Variants in WDTC1 observed in about 807,000 individuals in gnomAD.
WDTC1 encodes WD and tetratricopeptide repeats 1, also known as WD and tetratricopeptide repeats protein 1.
WDTC1 carries 12 observed loss-of-function variants against 76.0 expected under a neutral mutation model. The observed-to-expected ratio is 0.16, with a 90% CI of 0.10 to 0.26. WDTC1 has a LOEUF of 0.26. WDTC1 is among the 10% of genes least tolerant of loss of function. WDTC1 has a pLI of 1.00. For missense variants in WDTC1, 511 were observed against 908.8 expected (o/e 0.56, Z 5.63); for synonymous variants, 326 against 350.8 (o/e 0.93, Z 0.79).
chr1:27,294,614 C>T lies in WDTC1; in HGVS notation c.858C>T (p.Asn286=). The T allele has an allele frequency of 6.2e-7, 1 of 1,613,912 alleles. No individual in the cohort carries two copies. Among genetic ancestry groups the T allele is most frequent in the Non-Finnish European group, 8.5e-7 (1 of 1,179,882 alleles). ...FSPNGTELLV[N]MGGEQVYLFD... ...CCAATGGCACAGAGCTACTAGTCAA[C>T]ATGGGGGGGGAACAGGTATGTACAG... The change falls in exon 9 of 16, where the codon AAC becomes AAT. Residue 286 remains asparagine, a synonymous_variant. Transcript: ENST00000319394.
intron 3 of WDTC1, among the ~76,000 whole-genome samples, chr1:27,269,606 G>GTT (rs56885576): frequency 0.1 from 12,466 of 119,214 alleles, 1,208 homozygotes; most frequent in East Asian, 0.52. Context: ...TTTGTTTTTT[G>GTT]TTTTTTTTTT....
chr1:27,301,386 G>A lies in WDTC1; in HGVS notation c.1393G>A (p.Glu465Lys). The A allele has an allele frequency of 6.2e-7, 1 of 1,614,196 alleles. No individual in the cohort carries two copies. Residue 465 changes from glutamate to lysine, a missense_variant, in exon 13 of 16, where the codon GAG becomes AAG. Physicochemically the swap from Glu to Lys is moderately conservative, Grantham distance 56 (BLOSUM62 1). Coordinates refer to ENST00000319394, the MANE Select transcript of WDTC1 (RefSeq NM_001276252.2). The surrounding 1 kb of genome is among the most constrained non-coding windows in gnomAD (Gnocchi z 5.8). ...GGACGACTTCAAAGGGAAATTTCCG[G>A]AGCAGGCCCACAGCAGCGCTTGTGA... ...CLDDFKGKFP[E>K]QAHSSACDAL...
chr1:27,250,656 G>A (rs888695541), intron 1 of WDTC1, among the ~76,000 whole-genome samples: 4 of 152,080 alleles, frequency 2.6e-5, no homozygotes, highest in Admixed American at 1.3e-4. Flanking sequence ...TTTCTGCTGC[G>A]TTATCCAGAG....
chr1:27,262,574 G>A (rs1347502209), intron 2 of WDTC1, among the ~76,000 whole-genome samples: 1 of 151,954 alleles, frequency 6.6e-6, no homozygotes, highest in Non-Finnish European at 1.5e-5. Flanking sequence ...TTTTAGTAGA[G>A]ATGGGGTTAT....
At chr1:27,243,880 C>G (rs956938830) in intron 1 of WDTC1, among the ~76,000 whole-genome samples, 1 of 151,380 alleles carries the variant, frequency 6.6e-6, no homozygotes, top group Non-Finnish European at 1.5e-5. Flanking sequence ...AATCCCAACA[C>G]TTTGGGAGGC....
chr1:27,278,828 G>A (rs1003725929), intron 3 of WDTC1, among the ~76,000 whole-genome samples: 2 of 152,222 alleles, frequency 1.3e-5, no homozygotes, highest in Non-Finnish European at 2.9e-5. Context: ...TCCAGGCCAG[G>A]TATGGTGGCT....
At chr1:27,292,815 G>A (rs1378877411) in intron 7 of WDTC1, among the ~76,000 whole-genome samples, 9 of 136,284 alleles carry the variant, frequency 6.6e-5, no homozygotes, top group Non-Finnish European at 9.2e-5. Flanking sequence ...GTGTTGGAGC[G>A]CAGTGGCACA....
chr1:27,279,642 C>T (rs2013135678), intron 3 of WDTC1, among the ~76,000 whole-genome samples: 1 of 152,188 alleles, frequency 6.6e-6, no homozygotes, highest in Admixed American at 6.5e-5. Context: ...TCATGGCTCA[C>T]TGTAGCCTCC....
chr1:27,270,126 G>A (rs1023302364), intron 3 of WDTC1, among the ~76,000 whole-genome samples: 1 of 151,936 alleles, frequency 6.6e-6, no homozygotes, highest in African/African-American at 2.4e-5. Flanking sequence ...GTTTTACCGT[G>A]TTGCCCAGGC....
At chr1:27,236,806 T>G (rs556627673) in intron 1 of WDTC1, among the ~76,000 whole-genome samples, 11 of 152,248 alleles carry the variant, frequency 7.2e-5, no homozygotes, top group Middle Eastern at 3.4e-3. Flanking sequence ...TCTTTAATTA[T>G]TTTTATTTTT....
chr1:27,300,383 C>T (rs2013801383), intron 12 of WDTC1, among the ~76,000 whole-genome samples: 1 of 152,082 alleles, frequency 6.6e-6, no homozygotes, highest in Admixed American at 6.5e-5. Context: ...GTCTGGCTCT[C>T]CAGACAAGAG....
chr1:27,282,587 C>G (rs1360372472), intron 4 of WDTC1, among the ~76,000 whole-genome samples: 1 of 152,094 alleles, frequency 6.6e-6, no homozygotes, highest in Admixed American at 6.6e-5. Context: ...ACTGCAACCT[C>G]CGCCTTTCAG....
At position 27,303,515 on chromosome 1, in the gene WDTC1, C is replaced by G. The variant is rs938242416; in HGVS notation, c.1469-106C>G. ...CCAGGATAAGGGTGGAGGCAGGTAG[C>G]TCTATGTTGTCAGACTTTGGACTGA... is the stretch of plus-strand genomic sequence containing the variant. On this transcript the variant is annotated intron_variant, in intron 13 of 15. Transcript: ENST00000319394. The surrounding 1 kb of genome is among the most constrained non-coding windows in gnomAD (Gnocchi z 4.8). 2 of 1,382,348 alleles carry G rather than the reference C, an allele frequency of 1.4e-6. No homozygotes were observed. Among genetic ancestry groups the G allele is most frequent in the Non-Finnish European group, 1.9e-6 (2 of 1,039,406 alleles). 85.6% of individuals were successfully genotyped at this position (1,382,348 alleles called of 1,614,324 possible). A position where few individuals can be genotyped will look rare whatever the true frequency, so the allele number is the denominator to read the frequency against.
intron 3 of WDTC1, among the ~76,000 whole-genome samples, chr1:27,273,526 T>C (rs1361326850): frequency 1.3e-5 from 2 of 152,080 alleles, no homozygotes. Flanking sequence ...ATTTTCTTAA[T>C]GACATTAAGA....
At chr1:27,299,634 G>A (rs1465845720) in intron 12 of WDTC1, among the ~76,000 whole-genome samples, 1 of 152,186 alleles carries the variant, frequency 6.6e-6, no homozygotes, top group Non-Finnish European at 1.5e-5. Flanking sequence ...GGCAGGAGAT[G>A]AGTCTGTGAG....
At chr1:27,255,603 C>T (rs924617178) in intron 1 of WDTC1, 1 of 152,234 alleles carries the variant, frequency 6.6e-6, no homozygotes, top group Non-Finnish European at 1.5e-5. Context: ...GAGTCTCGCT[C>T]TGTCGCCCAA....
intron 1 of WDTC1, among the ~76,000 whole-genome samples, chr1:27,257,394 C>T (rs555440754): frequency 6.6e-6 from 1 of 152,194 alleles, no homozygotes; most frequent in Non-Finnish European, 1.5e-5. Flanking sequence ...GAGACTTAAG[C>T]AAGGCCACAC....
intron 6 of WDTC1, among the ~76,000 whole-genome samples, chr1:27,290,533 T>C (rs555738626): frequency 3.9e-5 from 6 of 152,364 alleles, no homozygotes; most frequent in African/African-American, 1.4e-4. Flanking sequence ...AGCCGCTTGA[T>C]ACATTTCTCT....
At chr1:27,287,296 G>T (rs2147968707) in intron 5 of WDTC1, among the ~76,000 whole-genome samples, 1 of 152,328 alleles carries the variant, frequency 6.6e-6, no homozygotes, top group African/African-American at 2.4e-5. Context: ...GGGCATGTGG[G>T]AGTCAGACAG....
Sources: allele counts gnomAD v4.1 joint callset (sites outside exome capture counted in the v4.1 genomes callset), GRCh38; gene constraint gnomAD v4.1.1; non-coding constraint Gnocchi (gnomAD v3.1); transcripts MANE v1.5; gene names NCBI Gene and HGNC (gene_info 2026-07-23, HGNC 2026-07-21).